The following DIAPH1 variants were observed in gnomAD, a reference collection of about 807,000 sequenced individuals.
DIAPH1 encodes the protein diaphanous related formin 1.
DIAPH1 carries 46 observed loss-of-function variants against 140.7 expected under a neutral mutation model. The observed-to-expected ratio is 0.33, with a 90% CI of 0.26 to 0.42. DIAPH1 has a LOEUF of 0.42. DIAPH1 is among the 10% of genes least tolerant of loss of function. The pLI is 1.00. For missense variants in DIAPH1, 1,310 were observed against 1,558.7 expected (o/e 0.84, Z 2.69); for synonymous variants, 565 against 551.6 (o/e 1.02, Z -0.34).
At chr5:141,588,561 T>C (rs2099897896) in intron 1 of DIAPH1, among the ~76,000 whole-genome samples, 2 of 151,018 alleles carry the variant, frequency 1.3e-5, no homozygotes, top group South Asian at 4.2e-4. Context: ...CTCAACTTCA[T>C]AGTAAATGAG....
chr5:141,532,041 ATTTTCCTGATTTAAACT>A (rs556066956), intron 19 of DIAPH1, among the ~76,000 whole-genome samples: 1 of 152,120 alleles, frequency 6.6e-6, no homozygotes, highest in South Asian at 2.1e-4. Context: ...AATCTCACTC[ATTTTCCTGATTTAAACT>A]TTACTCAGTT....
intron 18 of DIAPH1, among the ~76,000 whole-genome samples, chr5:141,553,467 C>T (rs996065020): frequency 6.6e-5 from 10 of 152,002 alleles, no homozygotes; most frequent in Non-Finnish European, 1.2e-4. Context: ...TGGCGAAACC[C>T]CAACTCTACT....
Position 141,528,568 on chromosome 5 carries a change from C to T in DIAPH1, c.3033G>A (p.Lys1011=). The T allele has an allele frequency of 6.2e-7, 1 of 1,614,172 alleles. No homozygotes were observed. Among genetic ancestry groups the T allele is most frequent in the Non-Finnish European group, 8.5e-7 (1 of 1,180,030 alleles). ...ISFLCKLRDT[K]STDQKMTLLH... is the part of the protein sequence containing the mutation. The stretch of plus-strand genomic sequence containing the variant: ...ACAACGTCATCTTCTGATCTGTGGA[C>T]TTGGTGTCTCGAAGCTTAGAGAAAG... Residue 1011 remains lysine, a synonymous_variant, in exon 23 of 28, where the codon AAG becomes AAA. Coordinates refer to ENST00000389054, the MANE Select transcript of DIAPH1 (RefSeq NM_005219.5).
intron 27 of DIAPH1, chr5:141,518,818 T>C: frequency 1.1e-6 from 1 of 923,432 alleles, no homozygotes; most frequent in Non-Finnish European, 1.7e-6. Context: ...CACCACAGCC[T>C]GCCAAAGCCC....
At chr5:141,596,390 C>G (rs1012965681) in intron 1 of DIAPH1, among the ~76,000 whole-genome samples, 2 of 151,962 alleles carry the variant, frequency 1.3e-5, no homozygotes. Context: ...GTAGTCCCAC[C>G]TACTCAGGAG....
chr5:141,565,385 CAT>C lies in DIAPH1; in HGVS notation c.2482+6041_2482+6042del, dbSNP rs563625408. On this transcript the variant is annotated intron_variant, in intron 18 of 27. Coordinates refer to ENST00000389054, the MANE Select transcript of DIAPH1 (RefSeq NM_005219.5). The surrounding 1 kb of genome is among the most constrained non-coding windows in gnomAD (Gnocchi z 4.3). ...TTTTCCCATTCCTTTATTAGAATAA[CAT>C]ATGTATATAAAAAGTATGATTTAAC... 55 of 152,234 alleles carry C rather than the reference CAT, an allele frequency of 3.6e-4. No individual in the cohort carries two copies. The highest frequency in any genetic ancestry group is 1.3e-3 in the African/African-American group (54 of 41,538). The allele number at this position is 152,234 out of a possible 1,614,324, so 9.4% of individuals were successfully genotyped here. A position where few individuals can be genotyped will look rare whatever the true frequency, so the allele number is the denominator to read the frequency against.
rs2154597563 is a variant in DIAPH1, at chr5:141,618,830, C to A, written c.85G>T (p.Ala29Ser). The A allele has an allele frequency of 1.3e-6, 2 of 1,550,164 alleles. No individual in the cohort carries two copies. Among genetic ancestry groups the A allele is most frequent in the Non-Finnish European group, 1.7e-6 (2 of 1,147,266 alleles). Residue 29 changes from alanine (A) to serine (S), a missense_variant, in exon 1 of 28, where the codon GCG becomes TCG. This residue lies in a region of DIAPH1 where 377 missense variants were observed against 497.1 expected (regional missense o/e 0.76). Coordinates refer to ENST00000389054, the MANE Select transcript of DIAPH1 (RefSeq NM_005219.5). ...TTAGATTTGCCGCCGTCGCCGCCCGCCGAGGGCAGCTCATCTGGGCTCCGG... is the reference window on the plus strand; with the variant it reads ...TTAGATTTGCCGCCGTCGCCGCCCGACGAGGGCAGCTCATCTGGGCTCCGG... ...KGRSPDELPS[A>S]GGDGGKSKKF...
intron 27 of DIAPH1, among the ~76,000 whole-genome samples, chr5:141,520,252 G>A (rs529026448): frequency 6.6e-6 from 1 of 152,138 alleles, no homozygotes; most frequent in Non-Finnish European, 1.5e-5. Context: ...ACAAAAGTAG[G>A]GGGGAGAATA....
intron 1 of DIAPH1, among the ~76,000 whole-genome samples, chr5:141,597,531 C>T (rs2099899511): frequency 6.6e-6 from 1 of 152,072 alleles, no homozygotes; most frequent in African/African-American, 2.4e-5. Context: ...AATGAGGATG[C>T]AAACCAAAAA....
At chr5:141,552,010 G>C (rs1334512572) in intron 18 of DIAPH1, among the ~76,000 whole-genome samples, 1 of 152,160 alleles carries the variant, frequency 6.6e-6, no homozygotes, top group African/African-American at 2.4e-5. Flanking sequence ...AAAATTCCAT[G>C]TGGTAGACAG....
intron 1 of DIAPH1, among the ~76,000 whole-genome samples, chr5:141,604,141 T>C (rs2099900581): frequency 6.6e-6 from 1 of 152,196 alleles, no homozygotes; most frequent in Admixed American, 6.5e-5. Context: ...TATCACAAGG[T>C]GTAGCAGGCA....
chr5:141,537,518 A>G (rs1356020730), intron 18 of DIAPH1, among the ~76,000 whole-genome samples: 7 of 151,224 alleles, frequency 4.6e-5, no homozygotes, highest in Admixed American at 1.3e-4. Context: ...AAGGGATGAA[A>G]ATGTCATTTT....
At chr5:141,547,382 G>A (rs1247110459) in intron 18 of DIAPH1, among the ~76,000 whole-genome samples, 2 of 151,992 alleles carry the variant, frequency 1.3e-5, no homozygotes, top group African/African-American at 2.4e-5. Context: ...GGAGAATGGT[G>A]TGAACCCAGG....
At chr5:141,538,935 T>C (rs2099889520) in intron 18 of DIAPH1, among the ~76,000 whole-genome samples, 1 of 152,160 alleles carries the variant, frequency 6.6e-6, no homozygotes, top group Non-Finnish European at 1.5e-5. Flanking sequence ...TTTTTTCTTA[T>C]GATGTCATTG....
chr5:141,524,685 T>C (rs930836227), intron 26 of DIAPH1: 5 of 266,860 alleles, frequency 1.9e-5, no homozygotes, highest in Admixed American at 1.0e-4. Context: ...CCTGAAGTAC[T>C]GCCTCCAGTG....
chr5:141,532,062 C>T lies in DIAPH1; in HGVS notation c.2581+2273G>A, dbSNP rs927900003. On this transcript the variant is annotated intron_variant, in intron 19 of 27. Transcript: ENST00000389054. ...ACTCATTTTCCTGATTTAAACTTTACTCAGTTGTACTCAACTACTTGCAGT... is the reference window on the plus strand; with the variant it reads ...ACTCATTTTCCTGATTTAAACTTTATTCAGTTGTACTCAACTACTTGCAGT... 3.3e-5 allele frequency among the ~76,000 whole-genome samples: 5 copies of T among 152,236 alleles called. No homozygotes were observed. In the East Asian group the frequency reaches 7.7e-4, roughly 23 times the overall value.
chr5:141,579,875 G>A (rs1051071727), intron 8 of DIAPH1, among the ~76,000 whole-genome samples: 2 of 151,650 alleles, frequency 1.3e-5, no homozygotes, highest in Admixed American at 6.6e-5. Flanking sequence ...TTGAACCTGG[G>A]AGGAGGAGTT....
intron 18 of DIAPH1, among the ~76,000 whole-genome samples, chr5:141,545,369 C>T (rs1370646300): frequency 2.0e-5 from 3 of 152,160 alleles, no homozygotes; most frequent in Non-Finnish European, 4.4e-5. Context: ...AGTGTGAGAA[C>T]AGCTGGACAC....
chr5:141,584,142 G>A lies in DIAPH1; in HGVS notation c.384C>T (p.Tyr128=), dbSNP rs1223860808. The change falls in exon 4 of 28, where the codon TAC becomes TAT. Residue 128 remains tyrosine (Y), a synonymous_variant. Transcript: ENST00000389054. ...IIIKREMVSQ[Y]LYTSKAGMSQ... ...GACTCACAGCCTTGGAGGTGTACAAGTATTGGGACACCATCTCCCTCTTGA... is the reference window on the plus strand; with the variant it reads ...GACTCACAGCCTTGGAGGTGTACAAATATTGGGACACCATCTCCCTCTTGA... The A allele has an allele frequency of 1.2e-6, 2 of 1,609,530 alleles. No individual in the cohort carries two copies. Among genetic ancestry groups the A allele is most frequent in the African/African-American group, 1.3e-5 (1 of 74,754 alleles).
Sources: gnomAD v4.1 joint callset for allele counts (sites outside exome capture counted in the v4.1 genomes callset) on GRCh38, gnomAD v4.1.1 for gene constraint, gnomAD v4.1.1 regional missense constraint, Gnocchi (gnomAD v3.1) non-coding constraint, MANE v1.5 for transcripts, NCBI Gene and HGNC (gene_info 2026-07-23, HGNC 2026-07-21) for gene names.